Variants in OTOG observed in about 807,000 individuals in gnomAD.
OTOG encodes otogelin.
OTOG carries 296 observed loss-of-function variants against 313.8 expected under a neutral mutation model. The ratio of observed to expected loss-of-function variants is 0.94; its 90% CI spans 0.86 to 1.04. The LOEUF (loss-of-function observed/expected upper bound fraction) is 1.04, where lower values mean the gene tolerates loss of function less well. Among genes scored for constraint, OTOG ranks in the 50% least tolerant of loss-of-function variants. The pLI is 0.00. For missense variants in OTOG, 3,948 were observed against 3,840.1 expected, an observed-to-expected ratio of 1.03 and a Z score of -0.74; for synonymous variants, 1,533 against 1,554.9, an observed-to-expected ratio of 0.99 and a Z score of 0.33.
intron 23 of OTOG, among the ~76,000 whole-genome samples, chr11:17,581,382 G>A (rs1477594446): frequency 2.6e-5 from 4 of 152,176 alleles, no homozygotes; most frequent in East Asian, 1.9e-4. Context: ...GAGATGCATC[G>A]TGGAAACAGG....
At chr11:17,617,233 T>C (rs1025901026) in intron 39 of OTOG, among the ~76,000 whole-genome samples, 1 of 152,240 alleles carries the variant, frequency 6.6e-6, no homozygotes, top group Non-Finnish European at 1.5e-5. Context: ...TTATATATTG[T>C]TGTATCCTTA....
chr11:17,608,459 AGT>A (rs1232651080), intron 34 of OTOG, 46 bp downstream of exon 34: 59 of 1,303,904 alleles, frequency 4.5e-5, no homozygotes, highest in Middle Eastern at 3.9e-4. Flanking sequence ...TGTGTGCACT[AGT>A]GTGTGTGTGC....
chr11:17,596,233 ATG>A (rs1853102873), intron 29 of OTOG, 79 bp downstream of exon 29: 1 of 1,045,550 alleles, frequency 9.6e-7, no homozygotes, highest in Non-Finnish European at 1.4e-6. Context: ...AGACTCCCCC[ATG>A]TCTCAGAGGA....
chr11:17,551,759 G>A (rs969299349), intron 3 of OTOG, among the ~76,000 whole-genome samples: 3 of 152,134 alleles, frequency 2.0e-5, no homozygotes, highest in South Asian at 2.1e-4. Flanking sequence ...ATGGTCTGCC[G>A]CAGAGATGCC....
At chr11:17,593,552 G>A in intron 26 of OTOG, 58 bp from the exon 27 acceptor site, 5 of 1,538,132 alleles carry the variant, frequency 3.3e-6, no homozygotes, top group Non-Finnish European at 3.5e-6. Flanking sequence ...TGCAGGCATA[G>A]CTGACCTGGG....
At position 17,596,155 on chromosome 11, in the gene OTOG, G is replaced by A; in HGVS notation, c.3525+1G>A. 5 of 1,547,510 alleles carry A rather than the reference G, an allele frequency of 3.2e-6. No individual in the cohort carries two copies. In the South Asian group the frequency reaches 3.6e-5, roughly 11 times the overall value. On this transcript the variant is annotated splice_donor_variant, in intron 29 of 55. Coordinates refer to ENST00000399397, the MANE Select transcript of OTOG (RefSeq NM_001292063.2). LOFTEE classifies it high-confidence loss of function. Reference sequence around the variant, plus strand: ...GGTGTTTGAGATCTGCCACCCTGTGGTGAGTGTACCCCAGCCTCGGCTCCT... The same window carrying A: ...GGTGTTTGAGATCTGCCACCCTGTGATGAGTGTACCCCAGCCTCGGCTCCT...
At chr11:17,549,065 T>C (rs1222348394) in intron 3 of OTOG, among the ~76,000 whole-genome samples, 3 of 152,228 alleles carry the variant, frequency 2.0e-5, no homozygotes, top group African/African-American at 7.2e-5. Context: ...CCCACGGTCC[T>C]CTGTGTTTGT....
chr11:17,553,199 C>A lies in OTOG; in HGVS notation c.373C>A (p.Arg125Ser), dbSNP rs560827829. 3 of 1,550,456 alleles carry A rather than the reference C, an allele frequency of 1.9e-6. No individual in the cohort carries two copies. In the East Asian group the frequency reaches 7.3e-5, roughly 38 times the overall value. ...DCRRFNATGPRCQMVYNAGPE... is the reference protein window; with the variant it reads ...DCRRFNATGPSCQMVYNAGPE... Reference sequence around the variant, plus strand: ...CAGACGCTTCAATGCCACTGGACCGCGCTGCCAGATGGGTGGGTCTGGGCT... The same window carrying A: ...CAGACGCTTCAATGCCACTGGACCGAGCTGCCAGATGGGTGGGTCTGGGCT... Residue 125 changes from arginine (R) to serine (S), a missense_variant, in exon 5 of 56, where the codon CGC becomes AGC. Coordinates refer to ENST00000399397, the MANE Select transcript of OTOG (RefSeq NM_001292063.2).
intron 33 of OTOG, 23 bp from the exon 34 acceptor site, chr11:17,608,273 T>C: frequency 6.8e-7 from 1 of 1,477,462 alleles, no homozygotes; most frequent in Non-Finnish European, 9.1e-7. Context: ...GACCCAGAGT[T>C]GCTGCCCCAT....
rs866281153 is a variant in OTOG at position 17,629,270 on chromosome 11, C to G, written c.6666C>G (p.Ile2222Met). 11 of 1,550,458 alleles carry G rather than the reference C, an allele frequency of 7.1e-6. No homozygotes were observed. Among genetic ancestry groups the G allele is most frequent in the Non-Finnish European group, 9.6e-6 (11 of 1,147,006 alleles). Residue 2222 changes from isoleucine (I) to methionine (M), a missense_variant, in exon 40 of 56, where the codon ATC (isoleucine) becomes ATG (methionine). Physicochemically the swap from Ile to Met is conservative, Grantham distance 10. Coordinates refer to ENST00000399397, the MANE Select transcript of OTOG (RefSeq NM_001292063.2). The stretch of plus-strand genomic sequence containing the variant: ...GGCTCCACAGCTCAGGACTCATGAT[C>G]GTGGAGGCCAGCAAAACCAGCAAGG... ...IQWLHSSGLM[I>M]VEASKTSKAQ... is the part of the protein sequence containing the mutation.
At chr11:17,628,344 A>T (rs1281760222) in intron 39 of OTOG, among the ~76,000 whole-genome samples, 1 of 152,156 alleles carries the variant, frequency 6.6e-6, no homozygotes, top group Non-Finnish European at 1.5e-5. Flanking sequence ...AGCATATAAA[A>T]CAGTCTAATC....
intron 32 of OTOG, among the ~76,000 whole-genome samples, chr11:17,604,752 T>C (rs1486125571): frequency 1.3e-5 from 2 of 152,210 alleles, no homozygotes; most frequent in African/African-American, 2.4e-5. Flanking sequence ...TCAGTAAATA[T>C]TTGCTGCTGA....
chr11:17,555,207 A>ATGTGTGTGTGTG (rs57148062), intron 6 of OTOG, among the ~76,000 whole-genome samples: 63 of 141,242 alleles, frequency 4.5e-4, no homozygotes, highest in African/African-American at 1.5e-3. Flanking sequence ...GGGGGCAGAG[A>ATGTGTGTGTGTG]TGTGTGTGTG....
Position 17,553,446 on chromosome 11 carries a change from A to C in OTOG, c.467A>C (p.Tyr156Ser). The C allele has an allele frequency of 3.1e-5, 45 of 1,471,950 alleles. No individual in the cohort carries two copies. Among genetic ancestry groups the C allele is most frequent in the Non-Finnish European group, 4.0e-5 (44 of 1,109,990 alleles). 91.2% of individuals were successfully genotyped at this position (1,471,950 alleles called of 1,614,324 possible). A position where few individuals can be genotyped will look rare whatever the true frequency, so the allele number is the denominator to read the frequency against. The change falls in exon 6 of 56, where the codon TAC becomes TCC. Residue 156 changes from tyrosine (Y) to serine (S), a missense_variant. Transcript: ENST00000399397. Reference protein sequence around the residue: ...HHVETFDGLYYYLSGKGSYTL... With the variant: ...HHVETFDGLYSYLSGKGSYTL... ...GTGGAGACATTTGATGGGCTCTACT[A>C]CTACCTCTCCGGAAAGGGCAGCTAC...
chr11:17,576,447 C>T, intron 20 of OTOG, 109 bp from the exon 21 acceptor site: 3 of 831,522 alleles, frequency 3.6e-6, no homozygotes, highest in South Asian at 2.9e-5. Context: ...CATTACTTTT[C>T]CCTGTGTCCT....
chr11:17,548,371 TA>T (rs1172759154), intron 3 of OTOG, among the ~76,000 whole-genome samples, 159 bp downstream of exon 3: 2 of 145,730 alleles, frequency 1.4e-5, no homozygotes, highest in Non-Finnish European at 3.0e-5. Flanking sequence ...TGCAAGTTCA[TA>T]AAACCCTTCT....
chr11:17,598,681 G>A (rs563112873), intron 30 of OTOG, among the ~76,000 whole-genome samples: 67 of 152,298 alleles, frequency 4.4e-4, no homozygotes, highest in Middle Eastern at 3.4e-3. Context: ...GGTGGGATTT[G>A]AACTCAGGTC....
At chr11:17,609,608 G>C in intron 35 of OTOG, 47 bp from the exon 36 acceptor site, 2 of 1,427,972 alleles carry the variant, frequency 1.4e-6, no homozygotes, top group Non-Finnish European at 1.9e-6. Context: ...ATGACCCCCG[G>C]GGCAGCAGTC....
At chr11:17,612,445 C>A (rs890297388) in intron 37 of OTOG, 115 bp downstream of exon 37, 3 of 1,410,516 alleles carry the variant, frequency 2.1e-6, no homozygotes, top group Non-Finnish European at 2.8e-6. Flanking sequence ...CCCGACCTGG[C>A]AGATTTCCTA....
Sources: allele counts gnomAD v4.1 joint callset (sites outside exome capture counted in the v4.1 genomes callset), GRCh38; gene constraint gnomAD v4.1.1; transcripts MANE v1.5; gene names NCBI Gene and HGNC (gene_info 2026-07-23, HGNC 2026-07-21).